Variants in NBAS observed in about 807,000 individuals in gnomAD.
NBAS encodes the protein NAG/BC035112 fusion.
Under a neutral mutation model 302.5 loss-of-function variants are expected in NBAS, and 219 were observed. That is an observed-to-expected ratio of 0.72 (90% CI 0.65 to 0.81). The LOEUF (loss-of-function observed/expected upper bound fraction) is 0.81. Among genes scored for constraint, NBAS ranks in the 30% least tolerant of loss-of-function variants. The pLI, the probability that NBAS is intolerant of heterozygous loss-of-function variation, is 0.00. For synonymous variants in NBAS, 1,118 were observed against 1,021.6 expected (o/e 1.09, Z -1.80); for missense variants, 2,932 against 2,841.6 (o/e 1.03, Z -0.72).
At chr2:14,979,333 T>C in the NBAS span, among the ~76,000 whole-genome samples, 1 of 152,216 alleles carries the variant, frequency 6.6e-6, no homozygotes, top group Non-Finnish European at 1.5e-5. Flanking sequence ...TCTTAGGAGC[T>C]GACAAAGAAT....
intron 25 of NBAS, among the ~76,000 whole-genome samples, chr2:15,412,013 G>T (rs948247719): frequency 6.6e-6 from 1 of 152,020 alleles, no homozygotes; most frequent in Non-Finnish European, 1.5e-5. Flanking sequence ...AAATCAGAAA[G>T]GAGTGCTTTA....
At chr2:14,921,553 C>T in the NBAS span, among the ~76,000 whole-genome samples, 43 of 152,230 alleles carry the variant, frequency 2.8e-4, 1 homozygote, top group Admixed American at 1.2e-3. Flanking sequence ...AATGCAAACA[C>T]CTGGGAGCTT....
intron 51 of NBAS, among the ~76,000 whole-genome samples, chr2:15,177,798 G>A (rs770942387): frequency 4.6e-5 from 7 of 152,138 alleles, no homozygotes; most frequent in African/African-American, 9.7e-5. Context: ...GGAGGGCTAC[G>A]GAAAGGCAAG....
intron 6 of NBAS, among the ~76,000 whole-genome samples, chr2:15,549,719 C>T (rs1054349689): frequency 1.3e-5 from 2 of 151,730 alleles, no homozygotes; most frequent in Non-Finnish European, 2.9e-5. Flanking sequence ...AAGACTGAGA[C>T]CCTGTCTCAA....
chr2:15,202,608 T>A lies in NBAS; in HGVS notation c.6433-12205A>T, dbSNP rs566019502. On this transcript the variant is annotated intron_variant, in intron 48 of 51. Transcript: ENST00000281513. Reference sequence around the variant, plus strand: ...AGGCTGGAGTGCAATGGCACGATCTTGGCTCACTGCAACCTCCGCCTCCTG... The same window carrying A: ...AGGCTGGAGTGCAATGGCACGATCTAGGCTCACTGCAACCTCCGCCTCCTG... Among the ~76,000 whole-genome samples the A allele has an allele frequency of 8.5e-5, 13 of 152,240 alleles. No individual in the cohort carries two copies. The South Asian group carries it at 2.7e-3, about 32-fold the overall frequency.
chr2:15,052,727 TG>T, the NBAS span, among the ~76,000 whole-genome samples: 1 of 152,226 alleles, frequency 6.6e-6, no homozygotes, highest in Non-Finnish European at 1.5e-5. Flanking sequence ...TATTTTGCTC[TG>T]ATAAGTTGCA....
chr2:14,817,407 A>T, the NBAS span, among the ~76,000 whole-genome samples: 1 of 152,056 alleles, frequency 6.6e-6, no homozygotes, highest in East Asian at 1.9e-4. Flanking sequence ...TCACTGGACA[A>T]TATTGCATGT....
At chr2:15,400,977 A>G (rs1309032509) in intron 26 of NBAS, among the ~76,000 whole-genome samples, 1 of 152,208 alleles carries the variant, frequency 6.6e-6, no homozygotes, top group Admixed American at 6.5e-5. Flanking sequence ...GACTCAGGGT[A>G]AACAACTTTA....
At chr2:15,165,418 A>C (rs1395088576), downstream of NBAS, among the ~76,000 whole-genome samples, 2 of 152,208 alleles carry the variant, frequency 1.3e-5, no homozygotes, top group East Asian at 1.9e-4. Flanking sequence ...GTGCTACTGA[A>C]TTGGGAAAGG....
At chr2:14,845,970 A>T in the NBAS span, among the ~76,000 whole-genome samples, 1 of 152,168 alleles carries the variant, frequency 6.6e-6, no homozygotes, top group Non-Finnish European at 1.5e-5. Flanking sequence ...ATGAAGGTAG[A>T]GATAGGGTAG....
At chr2:15,372,262 A>T (rs543586926) in intron 31 of NBAS, among the ~76,000 whole-genome samples, 33 of 152,218 alleles carry the variant, frequency 2.2e-4, no homozygotes, top group Non-Finnish European at 4.7e-4. Context: ...AAAAGCATAT[A>T]CATATACACA....
At chr2:15,091,670 T>C in the NBAS span, among the ~76,000 whole-genome samples, 6,729 of 152,112 alleles carry the variant, frequency 0.044, 245 homozygotes, top group East Asian at 0.1. Context: ...GTAGCTGGGA[T>C]TACAGGCGCC....
At chr2:14,993,773 T>C in the NBAS span, among the ~76,000 whole-genome samples, 1 of 152,244 alleles carries the variant, frequency 6.6e-6, no homozygotes, top group Non-Finnish European at 1.5e-5. Flanking sequence ...TATTATATAA[T>C]GTATTCCCAA....
intron 44 of NBAS, among the ~76,000 whole-genome samples, chr2:15,250,939 C>T (rs1191374610): frequency 6.6e-6 from 1 of 152,016 alleles, no homozygotes; most frequent in African/African-American, 2.4e-5. Context: ...ACCATTTGAC[C>T]CAGCAATCCT....
the NBAS span, among the ~76,000 whole-genome samples, chr2:15,097,917 A>ATATTG: frequency 1.5e-5 from 1 of 67,324 alleles, no homozygotes; most frequent in African/African-American, 5.8e-5. Flanking sequence ...ATACAATATT[A>ATATTG]TATATTATAT....
At chr2:15,465,489 A>G (rs572623845) in intron 19 of NBAS, among the ~76,000 whole-genome samples, 1 of 152,354 alleles carries the variant, frequency 6.6e-6, no homozygotes, top group East Asian at 1.9e-4. Context: ...GCAATGGCAC[A>G]ATATCTTGCG....
At chr2:15,121,448 C>A in the NBAS span, among the ~76,000 whole-genome samples, 147,601 of 152,184 alleles carry the variant, frequency 0.97, 71,615 homozygotes, top group East Asian at 1. Flanking sequence ...AGACCAAAAA[C>A]TCAGAGGAAT....
the NBAS span, among the ~76,000 whole-genome samples, chr2:14,807,489 C>T: frequency 6.8e-6 from 1 of 148,024 alleles, no homozygotes; most frequent in Non-Finnish European, 1.5e-5. Context: ...GTGTGTGTAA[C>T]CGGGTGAATA....
At chr2:15,186,420 G>C (rs1012308792) in intron 50 of NBAS, among the ~76,000 whole-genome samples, 11 of 152,110 alleles carry the variant, frequency 7.2e-5, no homozygotes, top group Admixed American at 3.3e-4. Context: ...AACTGGCCTA[G>C]TTCAGACAGA....
Sources: gnomAD v4.1 joint callset for allele counts (sites outside exome capture counted in the v4.1 genomes callset) on GRCh38, gnomAD v4.1.1 for gene constraint, MANE v1.5 for transcripts, NCBI Gene and HGNC (gene_info 2026-07-23, HGNC 2026-07-21) for gene names.